MAPK10: variants seen among roughly 807,000 people sequenced by gnomAD.
The protein encoded by MAPK10 is JNK3 alpha protein kinase.
Under a neutral mutation model 59.3 loss-of-function variants are expected in MAPK10, and 25 were observed. That is an observed-to-expected ratio of 0.42 (90% CI 0.31 to 0.59). The LOEUF (loss-of-function observed/expected upper bound fraction) is 0.59. MAPK10 is among the 20% of genes least tolerant of loss of function. The pLI is 0.15. For missense variants in MAPK10, 351 were observed against 568.9 expected (o/e 0.62, Z 3.90); for synonymous variants, 190 against 200.5 (o/e 0.95, Z 0.44).
intron 3 of MAPK10, among the ~76,000 whole-genome samples, chr4:86,170,620 T>C (rs1437375200): frequency 2.0e-5 from 3 of 151,806 alleles, no homozygotes; most frequent in Non-Finnish European, 1.5e-5. Flanking sequence ...CACACAATAA[T>C]AATGGGAGAC....
chr4:86,510,731 G>A (rs1253331532), intron 1 of MAPK10, among the ~76,000 whole-genome samples: 1 of 152,116 alleles, frequency 6.6e-6, no homozygotes, highest in Non-Finnish European at 1.5e-5. Flanking sequence ...CCTGTAATTT[G>A]CAGCAACATA....
chr4:86,301,804 G>A (rs570719039), intron 2 of MAPK10, among the ~76,000 whole-genome samples: 1 of 152,042 alleles, frequency 6.6e-6, no homozygotes, highest in East Asian at 1.9e-4. Flanking sequence ...GTATGATCCA[G>A]GCAGAGAGTG....
At chr4:86,233,765 A>C (rs1159955606) in intron 2 of MAPK10, among the ~76,000 whole-genome samples, 1 of 152,206 alleles carries the variant, frequency 6.6e-6, no homozygotes, top group Non-Finnish European at 1.5e-5. Flanking sequence ...GAGCAACAGC[A>C]GATTTGTCTA....
At position 86,013,382 on chromosome 4, in the gene MAPK10, G is replaced by A. The variant is rs1685892082; in HGVS notation, c.*3846C>T. The A allele has an allele frequency of 6.6e-6, 1 of 152,182 alleles. No individual in the cohort carries two copies. Among genetic ancestry groups the A allele is most frequent in the African/African-American group, 2.4e-5 (1 of 41,442 alleles). 9.4% of individuals were successfully genotyped at this position (152,182 alleles called of 1,614,324 possible). Reference sequence around the variant, plus strand: ...AGTTGGGTTCCTCTTTGGATGCAAAGTGGCTGAGATCAAAAATTTCTAGAG... The same window carrying A: ...AGTTGGGTTCCTCTTTGGATGCAAAATGGCTGAGATCAAAAATTTCTAGAG... On this transcript the variant is annotated 3_prime_UTR_variant, in exon 14 of 14. Transcript: ENST00000641462.
intron 1 of MAPK10, among the ~76,000 whole-genome samples, chr4:86,421,860 C>T (rs562269864): frequency 6.6e-6 from 1 of 152,258 alleles, no homozygotes; most frequent in South Asian, 2.1e-4. Flanking sequence ...GAATTCCTTA[C>T]CATGATTTAC....
At chr4:86,568,055 T>G (rs1436446707) in intron 1 of MAPK10, among the ~76,000 whole-genome samples, 2 of 151,982 alleles carry the variant, frequency 1.3e-5, no homozygotes, top group Non-Finnish European at 2.9e-5. Flanking sequence ...CCCTGAAGAC[T>G]CCTCCAAAAG....
At position 86,011,312 on chromosome 4, in the gene MAPK10, C is replaced by G. The variant is rs1424542523; in HGVS notation, c.*5916G>C. On this transcript the variant is annotated 3_prime_UTR_variant, in exon 14 of 14. Transcript: ENST00000641462. ...GTGTTTCACTATTAGCATGTGTCAT[C>G]CAAGCATGCCTTTCAACATCTGTGG... 1 of 152,174 alleles carries G rather than the reference C, an allele frequency of 6.6e-6. No individual in the cohort carries two copies. The highest frequency in any genetic ancestry group is 1.5e-5 in the Non-Finnish European group (1 of 68,038). The allele number at this position is 152,174 out of a possible 1,614,324, so 9.4% of individuals were successfully genotyped here. A position where few individuals can be genotyped will look rare whatever the true frequency, so the allele number is the denominator to read the frequency against.
chr4:86,365,606 C>A (rs1479252660), intron 1 of MAPK10, among the ~76,000 whole-genome samples: 3 of 151,824 alleles, frequency 2.0e-5, no homozygotes, highest in Non-Finnish European at 2.9e-5. Flanking sequence ...TAATTATCTG[C>A]AGTTTACAAT....
chr4:86,082,827 C>A (rs2050933447), intron 9 of MAPK10, among the ~76,000 whole-genome samples: 1 of 152,152 alleles, frequency 6.6e-6, no homozygotes, highest in Non-Finnish European at 1.5e-5. Context: ...GTCATTAAAT[C>A]TGTACTAAAT....
chr4:86,067,428 G>T lies in MAPK10; in HGVS notation c.985+345C>A, dbSNP rs367748319. 3.2e-3 allele frequency among the ~76,000 whole-genome samples: 488 copies of T among 152,124 alleles called. 1 individual carries two copies. The highest frequency in any genetic ancestry group is 0.011 in the African/African-American group (443 of 41,492). On this transcript the variant is annotated intron_variant, in intron 10 of 13. Coordinates refer to ENST00000641462, the MANE Select transcript of MAPK10 (RefSeq NM_138982.4). ...TCCAAAGTGCTGAGGTTACAGACTT[G>T]AGCCACCGCCCCCGGCCCTGAATAT...
At chr4:86,145,091 T>C (rs929773235) in intron 4 of MAPK10, among the ~76,000 whole-genome samples, 2 of 152,210 alleles carry the variant, frequency 1.3e-5, no homozygotes, top group Non-Finnish European at 2.9e-5. Flanking sequence ...GTGGCAATTT[T>C]ACAAAAATTA....
intron 9 of MAPK10, among the ~76,000 whole-genome samples, chr4:86,072,381 T>G (rs1258802061): frequency 1.3e-5 from 2 of 151,296 alleles, no homozygotes; most frequent in Non-Finnish European, 2.9e-5. Context: ...GAATACCGTT[T>G]ATTTCCTTCT....
chr4:86,251,891 C>T lies in MAPK10; in HGVS notation c.-6-57484G>A, dbSNP rs1355303060. 9.0e-5 allele frequency among the ~76,000 whole-genome samples: 12 copies of T among 133,278 alleles called. No homozygotes were observed. The East Asian group carries it at 2.4e-3, about 26-fold the overall frequency. The allele number at this position is 133,278 out of a possible 152,430, so 87.4% of individuals were successfully genotyped here. A position where few individuals can be genotyped will look rare whatever the true frequency, so the allele number is the denominator to read the frequency against. On this transcript the variant is annotated intron_variant, in intron 2 of 13. Transcript: ENST00000641462. Reference sequence around the variant, plus strand: ...TTCTAACTGGTGTGAGATGATATCTCATAGTGGTTTTGATTTGCATTTCTC... The same window carrying T: ...TTCTAACTGGTGTGAGATGATATCTTATAGTGGTTTTGATTTGCATTTCTC...
chr4:86,332,169 CA>C (rs1291640584), intron 2 of MAPK10, among the ~76,000 whole-genome samples: 1 of 151,738 alleles, frequency 6.6e-6, no homozygotes, highest in Non-Finnish European at 1.5e-5. Flanking sequence ...ACTAGAAGTA[CA>C]AAAAAATTAA....
intron 2 of MAPK10, among the ~76,000 whole-genome samples, chr4:86,287,177 C>A (rs1563995906): frequency 6.6e-6 from 1 of 152,158 alleles, no homozygotes; most frequent in South Asian, 2.1e-4. Flanking sequence ...CCATTTTCTA[C>A]GATCATAGAC....
Position 86,076,069 on chromosome 4 carries a change from G to A in MAPK10, c.803-8114C>T, listed in dbSNP as rs192149283. Among the ~76,000 whole-genome samples the A allele has an allele frequency of 1.3e-3, 203 of 152,224 alleles. 1 individual carries two copies. The highest frequency in any genetic ancestry group is 4.6e-3 in the African/African-American group (192 of 41,562). On this transcript the variant is annotated intron_variant, in intron 9 of 13. Transcript: ENST00000641462. ...AGATTCCGTGGGCGTAGGACCCTCCGAGCCAGGTGTGGGATATAGTCTCGT... is the reference window on the plus strand; with the variant it reads ...AGATTCCGTGGGCGTAGGACCCTCCAAGCCAGGTGTGGGATATAGTCTCGT...
chr4:86,551,906 T>C (rs2149100342), intron 1 of MAPK10, among the ~76,000 whole-genome samples: 1 of 152,046 alleles, frequency 6.6e-6, no homozygotes, highest in East Asian at 1.9e-4. Context: ...CACCCAGCCA[T>C]GAGTTTTCTT....
intron 1 of MAPK10, among the ~76,000 whole-genome samples, chr4:86,544,873 GTTTTTTTCTTTTTT>G (rs1188818439): frequency 2.6e-5 from 4 of 150,974 alleles, no homozygotes; most frequent in African/African-American, 9.8e-5. Flanking sequence ...AAACTGAAAG[GTTTTTTTCTTTTTT>G]TTTTTTTCAC....
At chr4:86,177,463 T>A (rs2149273739) in intron 3 of MAPK10, among the ~76,000 whole-genome samples, 1 of 152,248 alleles carries the variant, frequency 6.6e-6, no homozygotes, top group African/African-American at 2.4e-5. Flanking sequence ...AATTGGATAT[T>A]TTCAAAGTCT....
Sources: gnomAD v4.1 joint callset for allele counts (sites outside exome capture counted in the v4.1 genomes callset) on GRCh38, gnomAD v4.1.1 for gene constraint, MANE v1.5 for transcripts, NCBI Gene and HGNC (gene_info 2026-07-23, HGNC 2026-07-21) for gene names.